Variants in THRB observed in about 807,000 individuals in gnomAD.
The protein encoded by THRB is thyroid hormone receptor beta.
Under a neutral mutation model 47.8 loss-of-function variants are expected in THRB, and 12 were observed. The observed-to-expected ratio is 0.25, with a 90% CI of 0.16 to 0.41. THRB has a LOEUF of 0.41. Among genes scored for constraint, THRB ranks in the 10% least tolerant of loss-of-function variants. The pLI, the probability that THRB is intolerant of heterozygous loss-of-function variation, is 1.00. For synonymous variants in THRB, 218 were observed against 212.2 expected, an observed-to-expected ratio of 1.03 and a Z score of -0.24; for missense variants, 348 against 589.2, an observed-to-expected ratio of 0.59 and a Z score of 4.24.
intron 4 of THRB, among the ~76,000 whole-genome samples, chr3:24,202,902 T>C (rs185683223): frequency 1.1e-3 from 174 of 152,302 alleles, no homozygotes; most frequent in Non-Finnish European, 2.1e-3. Flanking sequence ...ATAAAGCATT[T>C]GTCACAGTCA....
At chr3:24,290,650 A>C (rs990771379) in intron 3 of THRB, among the ~76,000 whole-genome samples, 2 of 152,202 alleles carry the variant, frequency 1.3e-5, no homozygotes, top group Non-Finnish European at 2.9e-5. Flanking sequence ...ATTAGATATT[A>C]GGGGAAGAAA....
At chr3:24,343,037 G>T (rs922973637) in intron 1 of THRB, among the ~76,000 whole-genome samples, 1 of 152,130 alleles carries the variant, frequency 6.6e-6, no homozygotes, top group Non-Finnish European at 1.5e-5. Context: ...AAAGGCAATG[G>T]GAAATTTAAT....
At chr3:24,468,214 G>C (rs967081834) in intron 1 of THRB, among the ~76,000 whole-genome samples, 1 of 152,206 alleles carries the variant, frequency 6.6e-6, no homozygotes, top group Non-Finnish European at 1.5e-5. Flanking sequence ...CTTTGCTGTA[G>C]ATTAGGCTTT....
chr3:24,285,826 A>G (rs2055220188), intron 3 of THRB, among the ~76,000 whole-genome samples: 1 of 152,164 alleles, frequency 6.6e-6, no homozygotes, highest in Non-Finnish European at 1.5e-5. Flanking sequence ...TTAGTGCTTT[A>G]TAATGTTCAC....
intron 2 of THRB, among the ~76,000 whole-genome samples, chr3:24,310,102 AC>A (rs1437551162): frequency 6.6e-6 from 1 of 152,168 alleles, no homozygotes; most frequent in Non-Finnish European, 1.5e-5. Context: ...ATTCAATTCT[AC>A]TTGCAAAATG....
chr3:24,233,442 G>C (rs2048443989), intron 3 of THRB, among the ~76,000 whole-genome samples: 1 of 149,202 alleles, frequency 6.7e-6, no homozygotes, highest in African/African-American at 2.5e-5. Context: ...GGTCAACATA[G>C]TGAGACCCTG....
At chr3:24,275,913 T>C (rs768813437) in intron 3 of THRB, among the ~76,000 whole-genome samples, 6 of 152,290 alleles carry the variant, frequency 3.9e-5, no homozygotes, top group Non-Finnish European at 4.4e-5. Context: ...GTAATTCTGA[T>C]ATACTCCAGA....
At chr3:24,438,251 T>A (rs1251965616) in intron 1 of THRB, among the ~76,000 whole-genome samples, 1 of 151,778 alleles carries the variant, frequency 6.6e-6, no homozygotes, top group Non-Finnish European at 1.5e-5. Flanking sequence ...ACACCAAGCT[T>A]CTCCACCTGC....
chr3:24,460,246 G>T (rs1305713085), intron 1 of THRB, among the ~76,000 whole-genome samples: 1 of 152,040 alleles, frequency 6.6e-6, no homozygotes, highest in African/African-American at 2.4e-5. Context: ...AATACGAGAA[G>T]GTTATTATTT....
chr3:24,242,288 A>G (rs2049614529), intron 3 of THRB, among the ~76,000 whole-genome samples: 1 of 152,176 alleles, frequency 6.6e-6, no homozygotes, highest in Admixed American at 6.5e-5. Flanking sequence ...GCATTTCTGC[A>G]TGATTCTTAA....
intron 2 of THRB, among the ~76,000 whole-genome samples, chr3:24,321,480 A>C (rs1183096070): frequency 6.6e-6 from 1 of 152,188 alleles, no homozygotes; most frequent in East Asian, 1.9e-4. Context: ...AAAATAATTT[A>C]TGTAAATCCA....
chr3:24,377,942 A>C (rs778062110), intron 1 of THRB, among the ~76,000 whole-genome samples: 4 of 152,206 alleles, frequency 2.6e-5, no homozygotes, highest in Non-Finnish European at 4.4e-5. Context: ...AAGGTGTAAA[A>C]TGAGAGATAC....
intron 1 of THRB, among the ~76,000 whole-genome samples, chr3:24,490,020 C>T (rs1220711550): frequency 1.3e-5 from 2 of 152,082 alleles, no homozygotes; most frequent in Non-Finnish European, 2.9e-5. Flanking sequence ...CAATCACCTC[C>T]TCAGATATAA....
intron 2 of THRB, among the ~76,000 whole-genome samples, chr3:24,333,926 G>A (rs539825881): frequency 1.4e-4 from 22 of 152,022 alleles, no homozygotes; most frequent in African/African-American, 4.3e-4. Flanking sequence ...TCCTAACGCC[G>A]TCATCATTTC....
At chr3:24,183,138 CATG>C (rs1381914862) in intron 5 of THRB, among the ~76,000 whole-genome samples, 2 of 151,822 alleles carry the variant, frequency 1.3e-5, no homozygotes, top group African/African-American at 2.4e-5. Flanking sequence ...GAGCTGTGCA[CATG>C]ATGTTTTGTT....
At chr3:24,300,029 C>T (rs961543616) in intron 2 of THRB, among the ~76,000 whole-genome samples, 2 of 151,844 alleles carry the variant, frequency 1.3e-5, no homozygotes, top group Non-Finnish European at 2.9e-5. Flanking sequence ...CAAAAGCCAC[C>T]GATTACATCT....
intron 1 of THRB, among the ~76,000 whole-genome samples, chr3:24,428,013 G>A (rs190964167): frequency 2.0e-5 from 3 of 152,126 alleles, no homozygotes; most frequent in African/African-American, 7.2e-5. Flanking sequence ...ATCTGTTGAA[G>A]CAATGCATTT....
intron 4 of THRB, among the ~76,000 whole-genome samples, chr3:24,201,794 T>TTTA (rs2044627334): frequency 1.3e-5 from 2 of 152,052 alleles, no homozygotes; most frequent in Admixed American, 1.3e-4. Flanking sequence ...AATGGAAAAA[T>TTTA]CCAAACACCA....
At chr3:24,273,852 G>A (rs987728102) in intron 3 of THRB, among the ~76,000 whole-genome samples, 20 of 151,760 alleles carry the variant, frequency 1.3e-4, no homozygotes, top group Admixed American at 1.2e-3. Context: ...AAGGATTTTG[G>A]ATAAGGAACT....
Sources: allele counts gnomAD v4.1 joint callset (sites outside exome capture counted in the v4.1 genomes callset), GRCh38; gene constraint gnomAD v4.1.1; transcripts MANE v1.5; gene names NCBI Gene and HGNC (gene_info 2026-07-23, HGNC 2026-07-21).